The following LOC400499 variants were observed in gnomAD, a reference collection of about 807,000 sequenced individuals.
At chr16:11,447,941 G>A in the LOC400499 span, 3 of 1,535,576 alleles carry the variant, frequency 2.0e-6, no homozygotes, top group Non-Finnish European at 2.6e-6. Context: ...TACCTAAGGA[G>A]CAAGGCCCCC....
At chr16:11,508,003 T>C in the LOC400499 span, among the ~76,000 whole-genome samples, 1 of 152,182 alleles carries the variant, frequency 6.6e-6, no homozygotes, top group Non-Finnish European at 1.5e-5. Context: ...CCCTGGAACT[T>C]GTAAATTTCC....
chr16:11,509,120 C>CTT, the LOC400499 span, among the ~76,000 whole-genome samples: 607 of 130,726 alleles, frequency 4.6e-3, 9 homozygotes, highest in African/African-American at 8.6e-3. Flanking sequence ...CCTTTTTTTT[C>CTT]TTTTTTTTTT....
chr16:11,384,491 G>GT, the LOC400499 span, among the ~76,000 whole-genome samples: 1 of 152,186 alleles, frequency 6.6e-6, no homozygotes, highest in Non-Finnish European at 1.5e-5. Flanking sequence ...GGCCCTGGCT[G>GT]TAAACCCTCA....
At chr16:11,445,553 A>G in the LOC400499 span, among the ~76,000 whole-genome samples, 1 of 152,200 alleles carries the variant, frequency 6.6e-6, no homozygotes, top group Admixed American at 6.5e-5. Flanking sequence ...GAGGAGGCAA[A>G]GCTGAAGGAG....
chr16:11,417,440 T>A, the LOC400499 span, among the ~76,000 whole-genome samples: 14 of 151,804 alleles, frequency 9.2e-5, 1 homozygote, highest in Admixed American at 8.5e-4. Context: ...GTTGTGGAAG[T>A]CCTAGAAAAC....
the LOC400499 span, chr16:11,383,776 G>A: frequency 2.4e-6 from 3 of 1,232,228 alleles, no homozygotes; most frequent in Admixed American, 4.2e-5. Flanking sequence ...GAATGGTGTA[G>A]GGTCTACCTG....
chr16:11,508,964 T>G, the LOC400499 span: 1 of 397,290 alleles, frequency 2.5e-6, no homozygotes, highest in South Asian at 1.4e-4. Flanking sequence ...TTCAGCATGT[T>G]TCAGGCAACA....
At chr16:11,411,229 A>C in the LOC400499 span, 1 of 399,412 alleles carries the variant, frequency 2.5e-6, no homozygotes, top group Non-Finnish European at 4.4e-6. Flanking sequence ...GGAGCCAGGC[A>C]GCTGGGGCAC....
chr16:11,399,917 C>T, the LOC400499 span: 2 of 397,992 alleles, frequency 5.0e-6, no homozygotes, highest in East Asian at 3.6e-5. Flanking sequence ...AAATGAGAGG[C>T]TAGGGAGGAT....
chr16:11,472,181 T>C, the LOC400499 span: 2 of 180,894 alleles, frequency 1.1e-5, no homozygotes, highest in African/African-American at 4.7e-5. Context: ...TGAGAACCCC[T>C]GGTAGACTTT....
the LOC400499 span, chr16:11,439,365 T>C: frequency 2.5e-6 from 1 of 396,304 alleles, no homozygotes; most frequent in Admixed American, 4.4e-5. Context: ...ACATTGCAAG[T>C]GTGGGCTCCC....
the LOC400499 span, chr16:11,385,027 A>G: frequency 0.59 from 721,045 of 1,231,370 alleles, 214,249 homozygotes; most frequent in African/African-American, 0.74. Flanking sequence ...GGTCCGGACA[A>G]CTGTCCCCCG....
At chr16:11,475,651 C>G in the LOC400499 span, 3 of 399,076 alleles carry the variant, frequency 7.5e-6, no homozygotes, top group Admixed American at 4.4e-5. Context: ...GACTGGACCT[C>G]AGAAGGGCCA....
the LOC400499 span, chr16:11,461,235 T>C: frequency 1.5e-6 from 2 of 1,298,108 alleles, no homozygotes; most frequent in African/African-American, 3.0e-5. Flanking sequence ...TGGGGGCTCC[T>C]TGAAGAGCCA....
chr16:11,443,363 C>CAGG, the LOC400499 span: 1 of 365,150 alleles, frequency 2.7e-6, no homozygotes, highest in African/African-American at 2.8e-5. Context: ...AAAAAATGAT[C>CAGG]GGAGGGGTCT....
chr16:11,518,752 A>T, the LOC400499 span: 2 of 396,304 alleles, frequency 5.0e-6, no homozygotes, highest in East Asian at 7.2e-5. Flanking sequence ...CCAAGATGGC[A>T]TCTCTTTGCT....
chr16:11,391,466 G>C, the LOC400499 span, among the ~76,000 whole-genome samples: 1 of 152,204 alleles, frequency 6.6e-6, no homozygotes, highest in East Asian at 1.9e-4. Flanking sequence ...TGACACAGCA[G>C]ACCCAGAAAA....
chr16:11,401,534 C>T, the LOC400499 span: 1 of 398,222 alleles, frequency 2.5e-6, no homozygotes, highest in African/African-American at 2.1e-5. Flanking sequence ...AGCACAAAAC[C>T]CCATCCCTGT....
chr16:11,430,017 G>A, the LOC400499 span, among the ~76,000 whole-genome samples: 16 of 152,136 alleles, frequency 1.1e-4, no homozygotes, highest in Non-Finnish European at 2.2e-4. Context: ...TTAATCAAGA[G>A]ATCAAAGCTA....
Sources: allele counts gnomAD v4.1 joint callset (sites outside exome capture counted in the v4.1 genomes callset), GRCh38; gene constraint gnomAD v4.1.1; transcripts MANE v1.5.